The following LRP1B variants were observed in gnomAD, a reference collection of about 807,000 sequenced individuals.
LRP1B encodes low-density lipoprotein receptor-related protein 1B.
In LRP1B, 217 loss-of-function variants were observed where a neutral mutation model predicts 556.6. The ratio of observed to expected loss-of-function variants is 0.39; its 90% CI spans 0.35 to 0.44. LRP1B has a LOEUF of 0.44. Among genes scored for constraint, LRP1B ranks in the 20% least tolerant of loss-of-function variants. The pLI is 1.00. For synonymous variants in LRP1B, 2,047 were observed against 1,865.8 expected (o/e 1.10, Z -2.50); for missense variants, 5,053 against 5,620.8 (o/e 0.90, Z 3.23).
At chr2:141,721,257 C>T (rs1692800536) in intron 2 of LRP1B, among the ~76,000 whole-genome samples, 2 of 152,130 alleles carry the variant, frequency 1.3e-5, no homozygotes, top group African/African-American at 4.8e-5. Flanking sequence ...GTGTGCTTGA[C>T]TGGTTTTTGA....
intron 1 of LRP1B, among the ~76,000 whole-genome samples, chr2:141,957,410 A>C (rs1701286235): frequency 1.4e-5 from 2 of 143,818 alleles, no homozygotes; most frequent in Non-Finnish European, 3.0e-5. Flanking sequence ...GGGGGTGTAC[A>C]CTCCCAGCTT....
rs1681002654 is a variant in LRP1B at position 140,242,736 on chromosome 2, TA to T, written c.13325-3205del. The stretch of plus-strand genomic sequence containing the variant: ...TCCTCTGTTGTCAGTGAAGAGACTT[TA>T]AAGGCCAAGAGGATTACGATTAAGG... On this transcript the variant is annotated intron_variant, in intron 87 of 90. Transcript: ENST00000389484. 1.3e-5 allele frequency among the ~76,000 whole-genome samples: 2 copies of T among 151,030 alleles called. 1 individual carries two copies. Among genetic ancestry groups the T allele is most frequent in the South Asian group, 4.1e-4 (2 of 4,826 alleles).
intron 2 of LRP1B, among the ~76,000 whole-genome samples, chr2:141,609,355 C>T (rs1447633281): frequency 1.3e-5 from 2 of 152,128 alleles, no homozygotes; most frequent in Admixed American, 6.5e-5. Context: ...AAATAAGAAT[C>T]CATCCCTAGA....
In LRP1B at chr2:140,442,507, A is replaced by AGTTGG. The variant is rs1163698292; in HGVS notation, c.10406_10410dup (p.Cys3471ProfsTer49). The AGTTGG allele has an allele frequency of 6.2e-7, 1 of 1,612,088 alleles. No homozygotes were observed. Among genetic ancestry groups the AGTTGG allele is most frequent in the Non-Finnish European group, 8.5e-7 (1 of 1,179,150 alleles). On this transcript the variant is annotated frameshift_variant, in exon 66 of 91. Transcript: ENST00000389484. LOFTEE classifies it high-confidence loss of function. ...ACCCAGAGTCACAGACACTCACCGC[A>AGTTGG]GTTGGCCTCGTCTGATGCATCTGCA... is the stretch of plus-strand genomic sequence containing the variant.
intron 2 of LRP1B, among the ~76,000 whole-genome samples, chr2:141,719,465 T>C (rs1019671160): frequency 1.3e-5 from 2 of 152,158 alleles, no homozygotes; most frequent in Admixed American, 6.5e-5. Flanking sequence ...TAAGTCATTT[T>C]GCTTCTATAA....
chr2:140,658,762 A>G (rs958165635), intron 41 of LRP1B, among the ~76,000 whole-genome samples: 3 of 152,060 alleles, frequency 2.0e-5, no homozygotes, highest in East Asian at 1.9e-4. Flanking sequence ...CGGGTTCTGT[A>G]TGAACCTTCA....
chr2:141,074,196 T>TA lies in LRP1B; in HGVS notation c.1014-11924dup, dbSNP rs1169983962. 5.3e-5 allele frequency among the ~76,000 whole-genome samples: 8 copies of TA among 152,104 alleles called. No homozygotes were observed. In the East Asian group the frequency reaches 1.4e-3, roughly 26 times the overall value. ...GTACCTTGGCTGTCTTTCTGTTCCT[T>TA]AAAAAAATCCAAGTATTTTCTCCCT... On this transcript the variant is annotated intron_variant, in intron 7 of 90. Coordinates refer to ENST00000389484, the MANE Select transcript of LRP1B (RefSeq NM_018557.3).
At chr2:142,061,989 C>T (rs1490210393) in intron 1 of LRP1B, among the ~76,000 whole-genome samples, 2 of 151,864 alleles carry the variant, frequency 1.3e-5, no homozygotes, top group African/African-American at 4.8e-5. Flanking sequence ...TGGGCTGCTG[C>T]TATTGCTCAG....
intron 1 of LRP1B, among the ~76,000 whole-genome samples, chr2:141,976,106 G>A (rs1202856825): frequency 6.6e-6 from 1 of 151,878 alleles, no homozygotes; most frequent in Non-Finnish European, 1.5e-5. Flanking sequence ...CAAATAAGAA[G>A]CAAAATATGA....
chr2:141,884,329 C>T (rs1025056744), intron 1 of LRP1B, among the ~76,000 whole-genome samples: 8 of 152,020 alleles, frequency 5.3e-5, no homozygotes, highest in African/African-American at 1.4e-4. Context: ...GAGCCTTGAT[C>T]GTACCACTGC....
At chr2:141,501,390 T>A (rs752134634) in intron 2 of LRP1B, among the ~76,000 whole-genome samples, 1 of 152,094 alleles carries the variant, frequency 6.6e-6, no homozygotes, top group South Asian at 2.1e-4. Flanking sequence ...TTTTATGAAT[T>A]CCAAGTGCCT....
chr2:141,708,883 C>T (rs1192166532), intron 2 of LRP1B, among the ~76,000 whole-genome samples: 3 of 152,132 alleles, frequency 2.0e-5, no homozygotes, highest in Non-Finnish European at 4.4e-5. Context: ...AGGAGAGAGG[C>T]CTCAGAAGAA....
At chr2:140,546,743 T>C (rs1009663892) in intron 43 of LRP1B, among the ~76,000 whole-genome samples, 1 of 152,156 alleles carries the variant, frequency 6.6e-6, no homozygotes, top group Non-Finnish European at 1.5e-5. Context: ...CTTGTGCTGA[T>C]TTTCAATCGG....
At chr2:141,832,327 T>TCTCTTACA (rs1257808394) in intron 1 of LRP1B, among the ~76,000 whole-genome samples, 17 of 143,966 alleles carry the variant, frequency 1.2e-4, no homozygotes, top group African/African-American at 3.4e-4. Context: ...TCTTTCTCTC[T>TCTCTTACA]CACACACACA....
intron 1 of LRP1B, among the ~76,000 whole-genome samples, chr2:141,881,361 G>A (rs952622782): frequency 6.6e-6 from 1 of 152,004 alleles, no homozygotes; most frequent in African/African-American, 2.4e-5. Context: ...GGAGGAAAGA[G>A]GAGTAAGAAA....
At chr2:140,289,597 AT>A (rs1683293066) in intron 84 of LRP1B, among the ~76,000 whole-genome samples, 1 of 151,174 alleles carries the variant, frequency 6.6e-6, no homozygotes, top group Non-Finnish European at 1.5e-5. Flanking sequence ...TCCTCTTATT[AT>A]TTTTACTTTT....
chr2:142,029,653 A>C (rs1006568586), intron 1 of LRP1B, among the ~76,000 whole-genome samples: 1 of 151,882 alleles, frequency 6.6e-6, no homozygotes, highest in East Asian at 1.9e-4. Context: ...TTATCCTGTA[A>C]ATGTCTCTCA....
At chr2:140,946,871 A>T (rs959351036) in intron 20 of LRP1B, among the ~76,000 whole-genome samples, 4 of 152,202 alleles carry the variant, frequency 2.6e-5, no homozygotes, top group Non-Finnish European at 5.9e-5. Context: ...TGTCATTTAC[A>T]GCGACATGAA....
Position 140,601,644 on chromosome 2 carries a change from TG to T in LRP1B, c.6800-6del. ...GTCCTTCCACAGAACCCACATCTAG[TG>T]GGGGAAGAAAAAGAAAAAATATATA... On this transcript the variant is annotated splice_polypyrimidine_tract_variant and splice_region_variant and intron_variant, in intron 41 of 90. Transcript: ENST00000389484. The T allele has an allele frequency of 6.4e-7, 1 of 1,553,722 alleles. No homozygotes were observed. The highest frequency in any genetic ancestry group is 8.7e-7 in the Non-Finnish European group (1 of 1,146,220).
Sources: allele counts gnomAD v4.1 joint callset (sites outside exome capture counted in the v4.1 genomes callset), GRCh38; gene constraint gnomAD v4.1.1; transcripts MANE v1.5; gene names NCBI Gene and HGNC (gene_info 2026-07-23, HGNC 2026-07-21).